Variants in FNIP2 observed in about 807,000 individuals in gnomAD.
The protein encoded by FNIP2 is folliculin-interacting protein 2.
Under a neutral mutation model 108.7 loss-of-function variants are expected in FNIP2, and 32 were observed. The ratio of observed to expected loss-of-function variants is 0.29; its 90% CI spans 0.22 to 0.40. The LOEUF is 0.40. Among genes scored for constraint, FNIP2 ranks in the 10% least tolerant of loss-of-function variants. The pLI, the probability that FNIP2 is intolerant of heterozygous loss-of-function variation, is 1.00. For synonymous variants in FNIP2, 480 were observed against 496.7 expected (o/e 0.97, Z 0.45); for missense variants, 1,202 against 1,381.6 (o/e 0.87, Z 2.06).
In FNIP2 at chr4:158,861,431, T is replaced by C. The variant is rs757067331; in HGVS notation, c.1238T>C (p.Leu413Pro). 1 of 1,614,020 alleles carries C rather than the reference T, an allele frequency of 6.2e-7. No homozygotes were observed. Among genetic ancestry groups the C allele is most frequent in the Non-Finnish European group, 8.5e-7 (1 of 1,179,896 alleles). Residue 413 changes from leucine to proline, a missense_variant, in exon 11 of 17, where the codon CTC becomes CCC. Physicochemically the swap from Leu to Pro is moderately conservative, Grantham distance 98. Around this residue, in one of 5 missense-constraint regions of FNIP2, gnomAD observed 878 missense variants for 990.3 expected, o/e 0.89. Transcript: ENST00000264433. ...MMSGTLEKNQ[L>P]CQRFLKEFTL... ...TCCGGCACTTTGGAAAAAAACCAGC[T>C]CTGCCAGCGCTTTCTCAAGGAGTTT... is the stretch of plus-strand genomic sequence containing the variant.
In FNIP2 at chr4:158,869,407, A is replaced by G; in HGVS notation, c.2771A>G (p.Glu924Gly). The G allele has an allele frequency of 6.2e-7, 1 of 1,604,296 alleles. No homozygotes were observed. Among genetic ancestry groups the G allele is most frequent in the Non-Finnish European group, 8.5e-7 (1 of 1,176,336 alleles). Residue 924 changes from glutamate (E) to glycine (G), a missense_variant, in exon 13 of 17, where the codon GAA (glutamate) becomes GGA (glycine). This residue lies in a region of FNIP2 where 878 missense variants were observed against 990.3 expected (regional missense o/e 0.89). Transcript: ENST00000264433. ...HGGDRTGGSL[E>G]VELPLPRSQS... ...GGTGACAGGACTGGAGGGTCCTTGG[A>G]AGTGGAGCTGCCTCTGCCAAGGTAA... is the stretch of plus-strand genomic sequence containing the variant.
chr4:158,874,505 A>AAAAAAAAAAAAAAAC (rs1781144919), intron 14 of FNIP2, among the ~76,000 whole-genome samples: 1 of 150,828 alleles, frequency 6.6e-6, no homozygotes, highest in Non-Finnish European at 1.5e-5. Context: ...AAAAAAAAAA[A>AAAAAAAAAAAAAAAC]TAGCTAGGCA....
intron 1 of FNIP2, among the ~76,000 whole-genome samples, chr4:158,782,804 A>G (rs1364641595): frequency 6.6e-6 from 1 of 152,194 alleles, no homozygotes. Flanking sequence ...CAGTAATCTT[A>G]TCTACAGAGT....
intron 1 of FNIP2, among the ~76,000 whole-genome samples, chr4:158,770,675 C>T (rs982446794): frequency 1.3e-5 from 2 of 152,096 alleles, no homozygotes; most frequent in African/African-American, 4.8e-5. Context: ...GAATTCTATG[C>T]CTTTTGTTAG....
chr4:158,826,627 T>C (rs1400019778), intron 2 of FNIP2, among the ~76,000 whole-genome samples: 1 of 151,928 alleles, frequency 6.6e-6, no homozygotes, highest in African/African-American at 2.4e-5. Flanking sequence ...GTGGTGGTGG[T>C]GGTGGTGGTG....
chr4:158,772,853 G>A (rs545784406), intron 1 of FNIP2, among the ~76,000 whole-genome samples: 2 of 152,284 alleles, frequency 1.3e-5, no homozygotes, highest in East Asian at 3.9e-4. Flanking sequence ...GATGAATAAA[G>A]AGCAGACAAC....
chr4:158,801,667 G>A (rs891279095), intron 1 of FNIP2, among the ~76,000 whole-genome samples: 7 of 152,180 alleles, frequency 4.6e-5, no homozygotes, highest in African/African-American at 1.4e-4. Flanking sequence ...CACATAGAAC[G>A]ATGCTTGGCA....
chr4:158,866,363 G>A (rs1424389737), intron 12 of FNIP2, among the ~76,000 whole-genome samples: 2 of 148,960 alleles, frequency 1.3e-5, no homozygotes, highest in African/African-American at 5.0e-5. Context: ...GGTTACAGGT[G>A]TCTGCCACCA....
chr4:158,863,720 G>A (rs1270547397), intron 12 of FNIP2, among the ~76,000 whole-genome samples: 1 of 152,242 alleles, frequency 6.6e-6, no homozygotes, highest in African/African-American at 2.4e-5. Context: ...TCCAAAAGAT[G>A]CATTGAGGTT....
intron 8 of FNIP2, among the ~76,000 whole-genome samples, chr4:158,856,274 A>G (rs1403671333): frequency 2.0e-5 from 3 of 152,216 alleles, no homozygotes; most frequent in Non-Finnish European, 4.4e-5. Context: ...TTAATTTCAT[A>G]TAGTCCAATG....
intron 1 of FNIP2, 97 bp from the exon 2 acceptor site, chr4:158,825,819 A>T: frequency 4.9e-6 from 7 of 1,431,058 alleles, no homozygotes; most frequent in Non-Finnish European, 6.7e-6. Context: ...TGGCCTTTTG[A>T]TGTGCACACA....
chr4:158,796,682 G>A (rs1018393139), intron 1 of FNIP2, among the ~76,000 whole-genome samples: 8 of 152,114 alleles, frequency 5.3e-5, no homozygotes, highest in African/African-American at 7.2e-5. Flanking sequence ...TTAACACGTC[G>A]CATTTGTCTA....
At chr4:158,861,275 T>G in intron 10 of FNIP2, 67 bp from the exon 11 acceptor site, 1 of 1,509,602 alleles carries the variant, frequency 6.6e-7, no homozygotes, top group Non-Finnish European at 8.9e-7. Context: ...CTTTATTCTT[T>G]TACACCAAGA....
At chr4:158,895,958 C>G (rs1782632498) in intron 16 of FNIP2, 93 bp downstream of exon 16, 3 of 888,498 alleles carry the variant, frequency 3.4e-6, no homozygotes, top group Non-Finnish European at 5.4e-6. Flanking sequence ...CCCTAAACCT[C>G]AGGCCCTGGT....
chr4:158,844,699 T>A (rs1023958006), intron 7 of FNIP2, among the ~76,000 whole-genome samples: 1 of 152,236 alleles, frequency 6.6e-6, no homozygotes, highest in Non-Finnish European at 1.5e-5. Context: ...TAAATATTCG[T>A]TGAGTGAATG....
intron 14 of FNIP2, among the ~76,000 whole-genome samples, chr4:158,882,259 C>T (rs1030261130): frequency 8.6e-5 from 13 of 152,046 alleles, no homozygotes; most frequent in African/African-American, 1.9e-4. Flanking sequence ...TGAGGAGCCC[C>T]TCCGCCTGGC....
At chr4:158,896,046 T>TA (rs1782641799) in intron 16 of FNIP2, among the ~76,000 whole-genome samples, 181 bp downstream of exon 16, 1 of 152,192 alleles carries the variant, frequency 6.6e-6, no homozygotes, top group African/African-American at 2.4e-5. Context: ...CGTTATCTGA[T>TA]ACTGGGTTTC....
At chr4:158,848,893 G>A (rs1320344441) in intron 7 of FNIP2, among the ~76,000 whole-genome samples, 1 of 152,168 alleles carries the variant, frequency 6.6e-6, no homozygotes, top group African/African-American at 2.4e-5. Flanking sequence ...AAAGACCCAA[G>A]GGAAAACTGT....
chr4:158,890,138 ATTCT>A (rs1782209338), intron 14 of FNIP2: 1 of 985,034 alleles, frequency 1.0e-6, no homozygotes, highest in South Asian at 4.7e-5. Context: ...ACTTTATCAA[ATTCT>A]TTATCTCTCA....
Sources: allele counts gnomAD v4.1 joint callset (sites outside exome capture counted in the v4.1 genomes callset), GRCh38; gene constraint gnomAD v4.1.1; regional missense constraint gnomAD v4.1.1; transcripts MANE v1.5; gene names NCBI Gene and HGNC (gene_info 2026-07-23, HGNC 2026-07-21).